Variants in UBR1 observed in about 807,000 individuals in gnomAD.
The protein encoded by UBR1 is E3 ubiquitin-protein ligase UBR1.
In UBR1, 102 loss-of-function variants were observed where a neutral mutation model predicts 242.1. The ratio of observed to expected loss-of-function variants is 0.42; its 90% confidence interval spans 0.36 to 0.50. The LOEUF (loss-of-function observed/expected upper bound fraction) is 0.50, where lower values mean the gene tolerates loss of function less well. Among genes scored for constraint, UBR1 ranks in the 20% least tolerant of loss-of-function variants. The pLI, the probability that UBR1 is intolerant of heterozygous loss-of-function variation, is 0.01. For synonymous variants in UBR1, 675 were observed against 684.8 expected (o/e 0.99, Z 0.22); for missense variants, 1,772 against 2,101.8 (o/e 0.84, Z 3.07).
chr15:43,028,606 ATGG>A (rs2033207972), intron 21 of UBR1, among the ~76,000 whole-genome samples: 1 of 151,496 alleles, frequency 6.6e-6, no homozygotes, highest in Admixed American at 6.6e-5. Flanking sequence ...TTAGCCAGGC[ATGG>A]TGGTGCGCGC....
chr15:42,949,908 G>A (rs1181726490), intron 46 of UBR1, among the ~76,000 whole-genome samples: 3 of 149,568 alleles, frequency 2.0e-5, no homozygotes, highest in South Asian at 2.2e-4. Context: ...TGCAGTGGGC[G>A]ATCTTGGCTC....
At chr15:43,052,825 T>C (rs922944791) in intron 12 of UBR1, among the ~76,000 whole-genome samples, 1 of 152,190 alleles carries the variant, frequency 6.6e-6, no homozygotes, top group Non-Finnish European at 1.5e-5. Context: ...GATTTTGTGT[T>C]GTTGTTTATG....
chr15:43,058,101 G>C (rs1163513895), intron 10 of UBR1, among the ~76,000 whole-genome samples: 1 of 151,900 alleles, frequency 6.6e-6, no homozygotes, highest in African/African-American at 2.4e-5. Context: ...GTAGAGACGG[G>C]GTTTCACCGT....
rs878885360 is a variant in UBR1, at chr15:43,059,987, A to G, written c.861+65T>C. 17 of 1,583,248 alleles carry G rather than the reference A, an allele frequency of 1.1e-5. No individual in the cohort carries two copies. In the South Asian group the frequency reaches 1.2e-4, roughly 11 times the overall value. ...ACGACATCATCACTCAAATTATTCT[A>G]CTTGGGCTCTTGTAATGTACATTCA... On this transcript the variant is annotated intron_variant, in intron 7 of 46. Coordinates refer to ENST00000290650, the MANE Select transcript of UBR1 (RefSeq NM_174916.3).
chr15:43,099,898 C>T (rs563587993), intron 1 of UBR1, among the ~76,000 whole-genome samples: 5 of 149,180 alleles, frequency 3.4e-5, no homozygotes, highest in Admixed American at 2.0e-4. Flanking sequence ...TTTTTTTAGA[C>T]GGAGTCTCAC....
At chr15:43,005,916 C>T (rs2032819311) in intron 30 of UBR1, among the ~76,000 whole-genome samples, 3 of 149,348 alleles carry the variant, frequency 2.0e-5, no homozygotes, top group Admixed American at 1.3e-4. Context: ...CATCACCACT[C>T]CCTAATCTCA....
At chr15:43,064,078 C>G (rs183392840) in intron 6 of UBR1, among the ~76,000 whole-genome samples, 75 of 152,318 alleles carry the variant, frequency 4.9e-4, no homozygotes, top group Admixed American at 4.6e-3. Context: ...GAGAATACTC[C>G]TTTGAAGGTA....
chr15:43,034,522 G>A (rs1441594801), intron 19 of UBR1, among the ~76,000 whole-genome samples: 1 of 152,032 alleles, frequency 6.6e-6, no homozygotes, highest in East Asian at 1.9e-4. Flanking sequence ...TGTCTTTATA[G>A]ATGTACATAC....
intron 37 of UBR1, among the ~76,000 whole-genome samples, chr15:42,978,864 G>A (rs1050038796): frequency 6.7e-6 from 1 of 148,368 alleles, no homozygotes; most frequent in African/African-American, 2.5e-5. Context: ...GAGTAGCTGG[G>A]ATTGCAGGCA....
Position 42,966,172 on chromosome 15 carries a change from C to A in UBR1, c.4572G>T (p.Pro1524=). 3 of 1,614,062 alleles carry A rather than the reference C, an allele frequency of 1.9e-6. No homozygotes were observed. The highest frequency in any genetic ancestry group is 1.7e-6 in the Non-Finnish European group (2 of 1,180,002). ...LFFHYLLGVT[P]PEELHTNSAE... Reference sequence around the variant, plus strand: ...ACTTACTGGTATGCAGTTCCTCAGGCGGAGTTACCCCAAGTAAATAGTGGA... The same window carrying A: ...ACTTACTGGTATGCAGTTCCTCAGGAGGAGTTACCCCAAGTAAATAGTGGA... The change falls in exon 41 of 47, where the codon CCG becomes CCT. Residue 1524 remains proline, a synonymous_variant. Transcript: ENST00000290650.
chr15:42,980,562 C>T (rs1253689934), intron 37 of UBR1, among the ~76,000 whole-genome samples: 1 of 152,128 alleles, frequency 6.6e-6, no homozygotes, highest in Non-Finnish European at 1.5e-5. Flanking sequence ...TAGCACATGG[C>T]AGTGAGCATT....
chr15:43,062,216 T>C (rs983102034), intron 6 of UBR1, among the ~76,000 whole-genome samples: 10 of 152,068 alleles, frequency 6.6e-5, no homozygotes, highest in Non-Finnish European at 1.3e-4. Flanking sequence ...TTATCCACAA[T>C]AGCAGAAGGT....
intron 2 of UBR1, 45 bp downstream of exon 2, chr15:43,085,938 AG>A: frequency 6.6e-6 from 10 of 1,519,216 alleles, no homozygotes; most frequent in Admixed American, 3.9e-5. Flanking sequence ...AAAAAAAAAA[AG>A]GATTTTAATA....
intron 46 of UBR1, among the ~76,000 whole-genome samples, chr15:42,947,644 A>C (rs2031760223): frequency 6.6e-6 from 1 of 152,172 alleles, no homozygotes; most frequent in South Asian, 2.1e-4. Context: ...CCAATAACAG[A>C]CAAACAGAGA....
rs2032044469 is a variant in UBR1 at position 42,962,762 on chromosome 15, T to C, written c.4700+1173A>G. Among the ~76,000 whole-genome samples, 8 of 152,166 alleles carry C rather than the reference T, an allele frequency of 5.3e-5. No individual in the cohort carries two copies. The South Asian group carries it at 1.7e-3, about 31-fold the overall frequency. On this transcript the variant is annotated intron_variant, in intron 42 of 46. Transcript: ENST00000290650. ...GCCTTGGACTCCCAAAGTGCTGGGA[T>C]TACATGCATGAGCCACCACGCCTGG...
At chr15:43,012,436 T>C (rs556023936) in intron 29 of UBR1, among the ~76,000 whole-genome samples, 1 of 152,168 alleles carries the variant, frequency 6.6e-6, no homozygotes, top group Non-Finnish European at 1.5e-5. Flanking sequence ...TTTGTAATCA[T>C]GGTTATGTGT....
At chr15:43,038,972 G>T (rs1246580621) in intron 15 of UBR1, among the ~76,000 whole-genome samples, 1 of 150,736 alleles carries the variant, frequency 6.6e-6, no homozygotes, top group Non-Finnish European at 1.5e-5. Context: ...CATTAAAAAG[G>T]TACTTTTAAC....
chr15:43,058,544 G>A, intron 9 of UBR1, 115 bp from the exon 10 acceptor site: 1 of 678,066 alleles, frequency 1.5e-6, no homozygotes. Context: ...CATGCAAACA[G>A]ACCTCAAATA....
intron 1 of UBR1, among the ~76,000 whole-genome samples, chr15:43,101,002 G>C (rs935107836): frequency 6.6e-6 from 1 of 152,222 alleles, no homozygotes; most frequent in African/African-American, 2.4e-5. Flanking sequence ...CTTTGACAGA[G>C]AATAAGAGGA....
Sources: gnomAD v4.1 joint callset for allele counts (sites outside exome capture counted in the v4.1 genomes callset) on GRCh38, gnomAD v4.1.1 for gene constraint, MANE v1.5 for transcripts, NCBI Gene and HGNC (gene_info 2026-07-23, HGNC 2026-07-21) for gene names.